Variants in NAA25 observed in about 807,000 individuals in gnomAD.
NAA25 encodes N-alpha-acetyltransferase 25, NatB auxiliary subunit.
NAA25 carries 30 observed loss-of-function variants against 132.5 expected under a neutral mutation model. The ratio of observed to expected loss-of-function variants is 0.23; its 90% CI spans 0.17 to 0.31. The LOEUF is 0.31. Among genes scored for constraint, NAA25 ranks in the 10% least tolerant of loss-of-function variants. The pLI is 1.00. For synonymous variants in NAA25, 359 were observed against 401.9 expected (o/e 0.89, Z 1.28); for missense variants, 771 against 1,150.4 (o/e 0.67, Z 4.77).
At chr12:112,053,911 T>G (rs911792531) in intron 14 of NAA25, among the ~76,000 whole-genome samples, 1 of 150,814 alleles carries the variant, frequency 6.6e-6, no homozygotes, top group African/African-American at 2.4e-5. Flanking sequence ...CTCTGATGAT[T>G]AATGACACAT....
chr12:112,051,311 AGCAATTC>A (rs1018767893), intron 15 of NAA25, among the ~76,000 whole-genome samples: 1 of 152,154 alleles, frequency 6.6e-6, no homozygotes, highest in African/African-American at 2.4e-5. Context: ...TCCCGGGTCA[AGCAATTC>A]TCCTGCCTCA....
At chr12:112,042,003 G>A in intron 20 of NAA25, 36 bp downstream of exon 20, 2 of 1,254,204 alleles carry the variant, frequency 1.6e-6, no homozygotes, top group South Asian at 1.5e-5. Flanking sequence ...CATACAACCA[G>A]ATACAAATAC....
intron 1 of NAA25, among the ~76,000 whole-genome samples, chr12:112,107,088 T>C (rs1035728281): frequency 1.3e-5 from 2 of 151,610 alleles, no homozygotes; most frequent in African/African-American, 4.9e-5. Flanking sequence ...GGTAAACTCC[T>C]GTCTCTACTA....
At chr12:112,070,123 G>A (rs927561505) in intron 10 of NAA25, among the ~76,000 whole-genome samples, 9 of 152,164 alleles carry the variant, frequency 5.9e-5, no homozygotes, top group African/African-American at 1.7e-4. Flanking sequence ...GGGAGACACT[G>A]TCTCAAAAAT....
At chr12:112,107,619 C>T (rs1375662006) in intron 1 of NAA25, among the ~76,000 whole-genome samples, 4 of 151,924 alleles carry the variant, frequency 2.6e-5, no homozygotes, top group African/African-American at 4.8e-5. Flanking sequence ...CTAACTGTGG[C>T]CAGAAACAAA....
chr12:112,095,166 G>A lies in NAA25; in HGVS notation c.59-2030C>T, dbSNP rs181822765. 2.0e-3 allele frequency among the ~76,000 whole-genome samples: 298 copies of A among 152,020 alleles called. 2 individuals carry two copies. The highest frequency in any genetic ancestry group is 6.8e-3 in the African/African-American group (284 of 41,480). ...AAAATTTAAAAATTTGGCCAGGCGC[G>A]GTGGTTCACACCTGTAATCCCAGCA... On this transcript the variant is annotated intron_variant, in intron 1 of 23. Coordinates refer to ENST00000261745, the MANE Select transcript of NAA25 (RefSeq NM_024953.4).
intron 1 of NAA25, among the ~76,000 whole-genome samples, chr12:112,096,962 C>T (rs1466598121): frequency 6.6e-6 from 1 of 152,162 alleles, no homozygotes; most frequent in Non-Finnish European, 1.5e-5. Context: ...GGGTATTTTT[C>T]CCTTCCCCTC....
At chr12:112,070,023 G>A (rs1484905690) in intron 10 of NAA25, among the ~76,000 whole-genome samples, 1 of 152,158 alleles carries the variant, frequency 6.6e-6, no homozygotes, top group Non-Finnish European at 1.5e-5. Context: ...AGCTACTTGG[G>A]AGGCTGAGGC....
chr12:112,086,491 T>C (rs553557046), intron 4 of NAA25, among the ~76,000 whole-genome samples: 247 of 150,324 alleles, frequency 1.6e-3, no homozygotes, highest in African/African-American at 5.7e-3. Context: ...CAAGACTCCA[T>C]CACAAAAAAG....
intron 4 of NAA25, among the ~76,000 whole-genome samples, chr12:112,085,326 A>G (rs1468547637): frequency 7.3e-6 from 1 of 137,860 alleles, no homozygotes; most frequent in Non-Finnish European, 1.5e-5. Context: ...TGGGAGGCAG[A>G]GTTTGCAGTA....
chr12:112,048,106 A>C (rs1024918403), intron 16 of NAA25, among the ~76,000 whole-genome samples, 186 bp downstream of exon 16: 8 of 152,138 alleles, frequency 5.3e-5, no homozygotes, highest in Non-Finnish European at 8.8e-5. Context: ...TAATGGTCTC[A>C]AGATGTTGCT....
chr12:112,093,073 T>A lies in NAA25; in HGVS notation c.122A>T (p.His41Leu). 1 of 1,612,492 alleles carries A rather than the reference T, an allele frequency of 6.2e-7. No homozygotes were observed. Among genetic ancestry groups the A allele is most frequent in the Non-Finnish European group, 8.5e-7 (1 of 1,178,768 alleles). The change falls in exon 2 of 24, where the codon CAT becomes CTT. Residue 41 changes from histidine to leucine, a missense_variant. Around this residue, in one of 3 missense-constraint regions of NAA25, gnomAD observed 417 missense variants for 733.8 expected, o/e 0.57. Transcript: ENST00000261745. ...IQQADKLLKK[H>L]KDLHCAKVLK... is the part of the protein sequence containing the mutation. ...TACCTTAGCACAATGAAGATCCTTA[T>A]GTTTCTTCAACAGTTTATCTGCTTG...
intron 20 of NAA25, 120 bp downstream of exon 20, chr12:112,041,919 A>G (rs375039533): frequency 1.7e-6 from 1 of 592,254 alleles, no homozygotes; most frequent in Non-Finnish European, 2.9e-6. Context: ...TATTGACTCC[A>G]AAGTGTTAAA....
chr12:112,061,474 GA>G, intron 11 of NAA25, 86 bp from the exon 12 acceptor site: 1 of 938,896 alleles, frequency 1.1e-6, no homozygotes, highest in Non-Finnish European at 1.6e-6. Context: ...GAATGGTCTA[GA>G]AAAAGACATC....
chr12:112,043,604 G>A, intron 18 of NAA25, 21 bp downstream of exon 18: 1 of 1,610,214 alleles, frequency 6.2e-7, no homozygotes, highest in Non-Finnish European at 8.5e-7. Context: ...AACTTTGATG[G>A]TAAATATGTA....
chr12:112,061,444 G>A, intron 11 of NAA25, 56 bp from the exon 12 acceptor site: 1 of 1,245,424 alleles, frequency 8.0e-7, no homozygotes, highest in Non-Finnish European at 1.2e-6. Flanking sequence ...GTCTTCAGTA[G>A]GCCATAATTA....
At chr12:112,086,067 T>TACAC (rs1566027455) in intron 4 of NAA25, among the ~76,000 whole-genome samples, 2 of 64,204 alleles carry the variant, frequency 3.1e-5, no homozygotes, top group African/African-American at 2.4e-4. Context: ...TATATATATA[T>TACAC]ATATATACAC....
intron 6 of NAA25, 56 bp downstream of exon 6, chr12:112,078,578 A>ATT: frequency 4.3e-6 from 6 of 1,410,180 alleles, no homozygotes; most frequent in Non-Finnish European, 5.0e-6. Context: ...TTATAACATA[A>ATT]TATTGTAGCA....
Position 112,049,606 on chromosome 12 carries a change from C to A in NAA25, c.1729-1163G>T, listed in dbSNP as rs901077767. 3.0e-6 allele frequency: 3 copies of A among 985,610 alleles called. No individual in the cohort carries two copies. The highest frequency in any genetic ancestry group is 3.6e-6 in the Non-Finnish European group (3 of 829,952). The allele number at this position is 985,610 out of a possible 1,614,324, so 61.1% of individuals were successfully genotyped here. ...GACACCTCGGCGAGCTGTTTGCCTGCAGTATCTGGAGAAATTAAAGACGGA... is the reference window on the plus strand; with the variant it reads ...GACACCTCGGCGAGCTGTTTGCCTGAAGTATCTGGAGAAATTAAAGACGGA... On this transcript the variant is annotated intron_variant, in intron 15 of 23. Transcript: ENST00000261745. This position sits in a 1 kb window ranked among gnomAD's most constrained non-coding sequence, Gnocchi z 4.7.
Sources: allele counts gnomAD v4.1 joint callset (sites outside exome capture counted in the v4.1 genomes callset), GRCh38; gene constraint gnomAD v4.1.1; regional missense constraint gnomAD v4.1.1; non-coding constraint Gnocchi (gnomAD v3.1); transcripts MANE v1.5; gene names NCBI Gene and HGNC (gene_info 2026-07-23, HGNC 2026-07-21).